The following CDH18 variants were observed in gnomAD, a reference collection of about 807,000 sequenced individuals.
CDH18 encodes cadherin 18.
Under a neutral mutation model 67.9 loss-of-function variants are expected in CDH18, and 31 were observed. The ratio of observed to expected loss-of-function variants is 0.46; its 90% confidence interval spans 0.34 to 0.62. The LOEUF (loss-of-function observed/expected upper bound fraction) is 0.62, where lower values mean the gene tolerates loss of function less well. Among genes scored for constraint, CDH18 ranks in the 20% least tolerant of loss-of-function variants. The pLI is 0.01. For missense variants in CDH18, 890 were observed against 975.5 expected (o/e 0.91, Z 1.17); for synonymous variants, 362 against 347.2 (o/e 1.04, Z -0.48).
At chr5:20,054,745 A>C (rs1343211435) in intron 2 of CDH18, among the ~76,000 whole-genome samples, 2 of 152,156 alleles carry the variant, frequency 1.3e-5, no homozygotes, top group African/African-American at 4.8e-5. Flanking sequence ...TCAATTTTTT[A>C]GTTACCTAGA....
At chr5:20,393,980 C>A (rs980480167) in intron 1 of CDH18, among the ~76,000 whole-genome samples, 1 of 152,006 alleles carries the variant, frequency 6.6e-6, no homozygotes, top group Non-Finnish European at 1.5e-5. Flanking sequence ...AATGACCATA[C>A]TGCCCAAAGC....
chr5:20,388,334 G>T (rs36183616), intron 1 of CDH18, among the ~76,000 whole-genome samples: 47,445 of 151,878 alleles, frequency 0.31, 8,257 homozygotes, highest in East Asian at 0.69. Flanking sequence ...ATTTCTTCTA[G>T]ATTTTCTAGT....
chr5:20,429,827 C>G (rs1748598874), intron 1 of CDH18, among the ~76,000 whole-genome samples: 2 of 152,158 alleles, frequency 1.3e-5, no homozygotes, highest in South Asian at 4.1e-4. Context: ...TTACTCCACT[C>G]TAATTCCAAA....
chr5:19,692,496 T>C (rs2150429697), intron 5 of CDH18, among the ~76,000 whole-genome samples: 1 of 152,070 alleles, frequency 6.6e-6, no homozygotes, highest in Non-Finnish European at 1.5e-5. Context: ...AACAAATGAC[T>C]AATAGTCATA....
At chr5:20,130,450 C>T (rs1749181500) in intron 2 of CDH18, among the ~76,000 whole-genome samples, 2 of 150,708 alleles carry the variant, frequency 1.3e-5, no homozygotes, top group Admixed American at 1.3e-4. Flanking sequence ...TTCATCTCAC[C>T]CACATTACCT....
At chr5:20,525,101 G>T (rs1755969068) in intron 1 of CDH18, among the ~76,000 whole-genome samples, 1 of 152,100 alleles carries the variant, frequency 6.6e-6, no homozygotes, top group African/African-American at 2.4e-5. Context: ...CTAGCAACAC[G>T]GCATGGTCTG....
At chr5:19,541,108 T>C (rs1382491285) in intron 9 of CDH18, among the ~76,000 whole-genome samples, 1 of 152,134 alleles carries the variant, frequency 6.6e-6, no homozygotes, top group African/African-American at 2.4e-5. Flanking sequence ...TCCACAGATC[T>C]CTAGGGCAGG....
intron 5 of CDH18, among the ~76,000 whole-genome samples, chr5:19,655,815 T>C (rs1041489811): frequency 6.6e-6 from 1 of 152,118 alleles, no homozygotes; most frequent in African/African-American, 2.4e-5. Flanking sequence ...AATCAATTCA[T>C]GTGTTCTGTC....
intron 1 of CDH18, among the ~76,000 whole-genome samples, chr5:20,374,276 T>G (rs1417057269): frequency 6.6e-6 from 1 of 152,216 alleles, no homozygotes; most frequent in East Asian, 1.9e-4. Flanking sequence ...AAAGTCAATG[T>G]TGAATGAGAT....
intron 2 of CDH18, among the ~76,000 whole-genome samples, chr5:20,216,915 C>A (rs935393068): frequency 5.3e-5 from 8 of 151,814 alleles, no homozygotes; most frequent in African/African-American, 1.7e-4. Flanking sequence ...CAAAGAAATT[C>A]CCATACAGCG....
intron 2 of CDH18, among the ~76,000 whole-genome samples, chr5:20,002,303 C>T (rs971451828): frequency 1.3e-5 from 2 of 152,110 alleles, no homozygotes; most frequent in African/African-American, 2.4e-5. Context: ...TTATGCCATT[C>T]GTTTATTTTT....
At chr5:20,431,606 T>C (rs998647869) in intron 1 of CDH18, among the ~76,000 whole-genome samples, 3 of 151,530 alleles carry the variant, frequency 2.0e-5, no homozygotes, top group Non-Finnish European at 4.4e-5. Context: ...CATCAGACCA[T>C]ATCCAATAAA....
At chr5:20,413,918 T>G (rs1045884710) in intron 1 of CDH18, among the ~76,000 whole-genome samples, 2 of 152,170 alleles carry the variant, frequency 1.3e-5, no homozygotes, top group Non-Finnish European at 2.9e-5. Context: ...ATTGCCTAGG[T>G]TTTCTTCTCG....
intron 1 of CDH18, among the ~76,000 whole-genome samples, chr5:20,463,332 C>T (rs919140128): frequency 2.6e-5 from 4 of 151,770 alleles, no homozygotes; most frequent in African/African-American, 9.7e-5. Flanking sequence ...TGACAAGATG[C>T]AGACGTATCT....
intron 1 of CDH18, among the ~76,000 whole-genome samples, chr5:20,539,167 A>G (rs141366577): frequency 1.3e-5 from 2 of 152,220 alleles, no homozygotes; most frequent in East Asian, 1.9e-4. Flanking sequence ...CTGGTATTAC[A>G]GGTGTGAGCC....
chr5:19,723,802 C>T (rs769649782), intron 4 of CDH18, among the ~76,000 whole-genome samples: 3 of 152,212 alleles, frequency 2.0e-5, no homozygotes, highest in Non-Finnish European at 4.4e-5. Context: ...CAACCTCCAC[C>T]TCCCGAGTTC....
At position 19,821,954 on chromosome 5, in the gene CDH18, T is replaced by G. The variant is rs1316745051; in HGVS notation, c.228+16805A>C. On this transcript the variant is annotated intron_variant, in intron 3 of 12. Transcript: ENST00000382275. ...ACTAGACCAGCCTTACAAGAAATCCTGAAGAGAGTTCTAAATATCAAGACA... is the reference window on the plus strand; with the variant it reads ...ACTAGACCAGCCTTACAAGAAATCCGGAAGAGAGTTCTAAATATCAAGACA... Among the ~76,000 whole-genome samples, 9 of 152,298 alleles carry G rather than the reference T, an allele frequency of 5.9e-5. 1 individual carries two copies. In the East Asian group the frequency reaches 1.5e-3, roughly 26 times the overall value.
At chr5:20,214,349 T>C (rs1740591236) in intron 2 of CDH18, among the ~76,000 whole-genome samples, 1 of 151,876 alleles carries the variant, frequency 6.6e-6, no homozygotes, top group Non-Finnish European at 1.5e-5. Flanking sequence ...AATTAATAAT[T>C]CATATAGAAC....
chr5:20,324,802 A>G (rs186899161), intron 1 of CDH18, among the ~76,000 whole-genome samples: 35 of 152,294 alleles, frequency 2.3e-4, no homozygotes, highest in African/African-American at 8.4e-4. Context: ...ACAAAATAAA[A>G]CTATAACAGA....
Sources: allele counts gnomAD v4.1 joint callset (sites outside exome capture counted in the v4.1 genomes callset), GRCh38; gene constraint gnomAD v4.1.1; transcripts MANE v1.5; gene names NCBI Gene and HGNC (gene_info 2026-07-23, HGNC 2026-07-21).